HMGA2: variants seen among roughly 807,000 people sequenced by gnomAD.
The protein encoded by HMGA2 is high mobility group protein HMGI-C.
A neutral mutation model predicts 19.1 loss-of-function variants in HMGA2; 8 were observed. The ratio of observed to expected loss-of-function variants is 0.42; its 90% CI spans 0.25 to 0.76. The LOEUF (loss-of-function observed/expected upper bound fraction) is 0.76, where lower values mean the gene tolerates loss of function less well. Ranked by LOEUF, HMGA2 falls within the 30% of genes least tolerant of loss-of-function variation. The probability of loss-of-function intolerance (pLI) is 0.28; values close to 1 mark genes in which losing one functional copy is unlikely to be tolerated. For missense variants in HMGA2, 109 were observed against 136.3 expected (o/e 0.80, Z 1.00); for synonymous variants, 60 against 48.8 (o/e 1.23, Z -0.96).
chr12:65,925,744 T>G (rs957975536), intron 3 of HMGA2, among the ~76,000 whole-genome samples: 3 of 151,368 alleles, frequency 2.0e-5, no homozygotes, highest in African/African-American at 7.3e-5. Flanking sequence ...AAGTTTTCGA[T>G]GATCTTGCAG....
intron 3 of HMGA2, among the ~76,000 whole-genome samples, chr12:65,899,709 A>C (rs1874293772): frequency 6.6e-6 from 1 of 152,256 alleles, no homozygotes; most frequent in South Asian, 2.1e-4. Context: ...ATTCTGAGGA[A>C]GAAAGTGATT....
chr12:65,934,648 T>A (rs938915080), intron 3 of HMGA2: 6 of 152,210 alleles, frequency 3.9e-5, no homozygotes, highest in Admixed American at 2.6e-4. Flanking sequence ...GAGGCACTTT[T>A]GTTCTGATGC....
intron 3 of HMGA2, among the ~76,000 whole-genome samples, chr12:65,838,846 G>A (rs1353108364): frequency 6.6e-6 from 1 of 152,048 alleles, no homozygotes; most frequent in Non-Finnish European, 1.5e-5. Context: ...GGGTAACAAT[G>A]AGATGATTTG....
At chr12:65,922,590 G>A (rs989953109) in intron 3 of HMGA2, among the ~76,000 whole-genome samples, 2 of 152,252 alleles carry the variant, frequency 1.3e-5, no homozygotes, top group East Asian at 1.9e-4. Flanking sequence ...TCTCAGATTA[G>A]ACTTTGGACT....
chr12:65,947,398 G>A (rs763937213), intron 3 of HMGA2, among the ~76,000 whole-genome samples: 6 of 152,084 alleles, frequency 3.9e-5, no homozygotes, highest in African/African-American at 9.7e-5. Flanking sequence ...CACCACACCC[G>A]GCCACAGTTT....
chr12:65,898,913 G>A (rs577785203), intron 3 of HMGA2, among the ~76,000 whole-genome samples: 29 of 151,906 alleles, frequency 1.9e-4, no homozygotes, highest in African/African-American at 5.8e-4. Context: ...GCGTGGTGGC[G>A]GGCGCCTGTA....
intron 2 of HMGA2, among the ~76,000 whole-genome samples, chr12:65,837,088 G>A (rs574920787): frequency 5.3e-5 from 8 of 152,106 alleles, no homozygotes; most frequent in Non-Finnish European, 1.0e-4. Context: ...AAAATAAGAG[G>A]AATAATAATA....
intron 3 of HMGA2, chr12:65,915,662 C>A: frequency 2.0e-6 from 1 of 512,296 alleles, no homozygotes; most frequent in Non-Finnish European, 2.6e-6. Flanking sequence ...AGATGGGCTG[C>A]CATGACTTCT....
intron 3 of HMGA2, chr12:65,858,625 T>A (rs1346675498): frequency 6.6e-6 from 1 of 152,204 alleles, no homozygotes; most frequent in Non-Finnish European, 1.5e-5. Context: ...TACCTTTACA[T>A]ATTGAATTCA....
intron 3 of HMGA2, among the ~76,000 whole-genome samples, chr12:65,845,132 G>T (rs1043506139): frequency 3.3e-5 from 5 of 152,086 alleles, no homozygotes; most frequent in Non-Finnish European, 7.4e-5. Flanking sequence ...AAATCCCCAT[G>T]CTGTATATTA....
intron 3 of HMGA2, among the ~76,000 whole-genome samples, chr12:65,910,125 A>G (rs1264891067): frequency 1.3e-5 from 2 of 152,192 alleles, no homozygotes; most frequent in Non-Finnish European, 2.9e-5. Context: ...AATGAAGACG[A>G]GGCTCCTGTC....
chr12:65,926,423 T>A (rs1443820823), intron 3 of HMGA2, among the ~76,000 whole-genome samples: 1 of 152,232 alleles, frequency 6.6e-6, no homozygotes, highest in Non-Finnish European at 1.5e-5. Flanking sequence ...ATAGAATTAA[T>A]GCCTCGGAGG....
At chr12:65,956,025 G>C (rs1037946726) in intron 4 of HMGA2, 2 of 152,064 alleles carry the variant, frequency 1.3e-5, no homozygotes, top group African/African-American at 4.8e-5. Context: ...TTTTAGTCTA[G>C]ACATACAAAG....
chr12:65,952,549 C>T (rs1876493547), intron 4 of HMGA2: 5 of 1,403,080 alleles, frequency 3.6e-6, no homozygotes, highest in Middle Eastern at 1.8e-4. Context: ...ATTTTCATTG[C>T]TGCTCCCATA....
chr12:65,878,223 G>A (rs765244731), intron 3 of HMGA2, among the ~76,000 whole-genome samples: 5 of 152,196 alleles, frequency 3.3e-5, no homozygotes, highest in Non-Finnish European at 5.9e-5. Context: ...AACGTTTCTT[G>A]TAGAATGAGG....
chr12:65,886,437 G>C (rs1407865382), intron 3 of HMGA2, among the ~76,000 whole-genome samples: 1 of 149,640 alleles, frequency 6.7e-6, no homozygotes, highest in Non-Finnish European at 1.5e-5. Context: ...TCTGCTCACT[G>C]CAACCTCTAC....
chr12:65,913,691 A>G (rs900216297), intron 3 of HMGA2, among the ~76,000 whole-genome samples: 2 of 152,102 alleles, frequency 1.3e-5, no homozygotes, highest in Non-Finnish European at 2.9e-5. Flanking sequence ...GGGCCGTGTT[A>G]CTCACTAGCT....
intron 3 of HMGA2, among the ~76,000 whole-genome samples, chr12:65,894,093 CTT>C (rs1469920313): frequency 6.6e-6 from 1 of 152,152 alleles, no homozygotes; most frequent in Non-Finnish European, 1.5e-5. Flanking sequence ...CGTTGGCCAA[CTT>C]ATCGTGAGCC....
intron 3 of HMGA2, among the ~76,000 whole-genome samples, chr12:65,925,548 C>T (rs146327499): frequency 7.6e-4 from 115 of 152,226 alleles, no homozygotes; most frequent in African/African-American, 2.6e-3. Context: ...TTGTGAACAT[C>T]GTTTCCTGTA....
Sources: gnomAD v4.1 joint callset for allele counts (sites outside exome capture counted in the v4.1 genomes callset) on GRCh38, gnomAD v4.1.1 for gene constraint, MANE v1.5 for transcripts, NCBI Gene and HGNC (gene_info 2026-07-23, HGNC 2026-07-21) for gene names.